PTPRT: variants seen among roughly 807,000 people sequenced by gnomAD.
PTPRT encodes the protein receptor-type tyrosine-protein phosphatase T.
PTPRT carries 56 observed loss-of-function variants against 176.8 expected under a neutral mutation model. The observed-to-expected ratio is 0.32, with a 90% CI of 0.26 to 0.40. The LOEUF (loss-of-function observed/expected upper bound fraction) is 0.40. Ranked by LOEUF, PTPRT falls within the 10% of genes least tolerant of loss-of-function variation. The probability of loss-of-function intolerance (pLI) is 1.00; values close to 1 mark genes in which losing one functional copy is unlikely to be tolerated. For synonymous variants in PTPRT, 783 were observed against 739.0 expected (o/e 1.06, Z -0.96); for missense variants, 1,540 against 1,908.2 (o/e 0.81, Z 3.60).
At chr20:42,166,138 T>C (rs1367186480) in intron 16 of PTPRT, among the ~76,000 whole-genome samples, 1 of 152,224 alleles carries the variant, frequency 6.6e-6, no homozygotes, top group Non-Finnish European at 1.5e-5. Context: ...GGTAGGCTAA[T>C]GTATGGGACA....
chr20:42,337,236 G>A (rs890266181), intron 11 of PTPRT, among the ~76,000 whole-genome samples: 4 of 152,102 alleles, frequency 2.6e-5, no homozygotes, highest in African/African-American at 4.8e-5. Flanking sequence ...GCTGTAGTTC[G>A]ACCTCCAACT....
chr20:42,563,269 C>A (rs1367244741), intron 7 of PTPRT, among the ~76,000 whole-genome samples: 1 of 151,972 alleles, frequency 6.6e-6, no homozygotes, highest in African/African-American at 2.4e-5. Context: ...ATATAAAGGT[C>A]CAATAAGCAA....
At chr20:42,506,152 G>A (rs577958255) in intron 7 of PTPRT, among the ~76,000 whole-genome samples, 32 of 152,172 alleles carry the variant, frequency 2.1e-4, no homozygotes, top group African/African-American at 7.5e-4. Flanking sequence ...TTTGGTGTAT[G>A]TTTTATGTAC....
chr20:42,938,058 A>C (rs1380953585), intron 1 of PTPRT, among the ~76,000 whole-genome samples: 1 of 152,244 alleles, frequency 6.6e-6, no homozygotes, highest in Non-Finnish European at 1.5e-5. Flanking sequence ...CAAAGATCTT[A>C]TCAATGGATT....
intron 2 of PTPRT, among the ~76,000 whole-genome samples, chr20:42,810,204 G>T (rs528625976): frequency 6.6e-6 from 1 of 152,138 alleles, no homozygotes; most frequent in Non-Finnish European, 1.5e-5. Context: ...TGAGGCAGAA[G>T]AATCGCTTGA....
intron 7 of PTPRT, among the ~76,000 whole-genome samples, chr20:42,591,738 T>TA (rs1440412095): frequency 6.6e-6 from 1 of 152,174 alleles, no homozygotes; most frequent in African/African-American, 2.4e-5. Flanking sequence ...ACTGTTCCCC[T>TA]AACCTGAGGC....
rs777694770 is a variant in PTPRT, at chr20:42,278,073, CTATATATA to C, written c.2176+4408_2176+4415del. On this transcript the variant is annotated intron_variant, in intron 13 of 30. Transcript: ENST00000373187. ...GATAGACATTAAACATGTAAGTAGA[CTATATATA>C]TATATATATATATATATATATATAT... 3.7e-3 allele frequency among the ~76,000 whole-genome samples: 145 copies of C among 39,182 alleles called. 1 individual carries two copies. The highest frequency in any genetic ancestry group is 4.6e-3 in the Non-Finnish European group (87 of 18,772). The allele number at this position is 39,182 out of a possible 152,430, so 25.7% of individuals were successfully genotyped here.
chr20:42,476,109 G>T (rs567306996), intron 7 of PTPRT, among the ~76,000 whole-genome samples: 1 of 152,214 alleles, frequency 6.6e-6, no homozygotes. Context: ...TTGTTAATGA[G>T]CATAAAATGA....
chr20:42,943,462 A>G (rs1980692072), intron 1 of PTPRT, among the ~76,000 whole-genome samples: 1 of 152,184 alleles, frequency 6.6e-6, no homozygotes. Flanking sequence ...TGTCCACTGA[A>G]GACTAAGTTA....
chr20:42,327,650 T>C (rs1261010322), intron 11 of PTPRT, among the ~76,000 whole-genome samples: 1 of 152,054 alleles, frequency 6.6e-6, no homozygotes, highest in Admixed American at 6.6e-5. Flanking sequence ...GGCAAATCTA[T>C]GGGAAGGATA....
At chr20:42,862,601 G>C (rs747387340) in intron 2 of PTPRT, among the ~76,000 whole-genome samples, 8 of 152,184 alleles carry the variant, frequency 5.3e-5, no homozygotes, top group South Asian at 2.1e-4. Context: ...CCATATGCCA[G>C]AGAGTGGGAG....
At chr20:42,771,812 T>C (rs1332983236) in intron 4 of PTPRT, among the ~76,000 whole-genome samples, 3 of 152,184 alleles carry the variant, frequency 2.0e-5, no homozygotes, top group Non-Finnish European at 4.4e-5. Context: ...ATTAAGGCTC[T>C]GAGGGTTTAC....
intron 8 of PTPRT, among the ~76,000 whole-genome samples, chr20:42,467,787 G>A (rs2071125191): frequency 6.6e-6 from 1 of 152,206 alleles, no homozygotes; most frequent in South Asian, 2.1e-4. Flanking sequence ...GAATCTAGAT[G>A]AGAGGTTTAT....
At chr20:42,607,098 A>C (rs2073891128) in intron 7 of PTPRT, among the ~76,000 whole-genome samples, 1 of 152,232 alleles carries the variant, frequency 6.6e-6, no homozygotes, top group Non-Finnish European at 1.5e-5. Flanking sequence ...CAAAAAGAGA[A>C]ATATTATATA....
At position 42,567,858 on chromosome 20, in the gene PTPRT, TCTGA is replaced by T. The variant is rs1174123599; in HGVS notation, c.1154-95300_1154-95297del. 2.8e-4 allele frequency among the ~76,000 whole-genome samples: 42 copies of T among 152,200 alleles called. 1 individual carries two copies. Among genetic ancestry groups the T allele is most frequent in the Admixed American group, 2.4e-3 (37 of 15,278 alleles). ...GATACATGGCACTTGGTCTCATGAT[TCTGA>T]CTGTCTTAATTAGTATTGATGAGGC... On this transcript the variant is annotated intron_variant, in intron 7 of 30. Coordinates refer to ENST00000373187, the MANE Select transcript of PTPRT (RefSeq NM_007050.6).
At chr20:42,839,675 T>C (rs2078243674) in intron 2 of PTPRT, among the ~76,000 whole-genome samples, 1 of 152,096 alleles carries the variant, frequency 6.6e-6, no homozygotes, top group Admixed American at 6.5e-5. Flanking sequence ...TGGAGAAAAA[T>C]GACCAAGGAC....
At chr20:42,893,647 G>A (rs1435951705) in intron 1 of PTPRT, among the ~76,000 whole-genome samples, 2 of 151,942 alleles carry the variant, frequency 1.3e-5, no homozygotes, top group Admixed American at 6.5e-5. Context: ...TTAAGGAAAT[G>A]TGGCACATAT....
intron 1 of PTPRT, among the ~76,000 whole-genome samples, chr20:43,110,658 G>T (rs188919910): frequency 1.3e-5 from 2 of 152,128 alleles, no homozygotes; most frequent in Non-Finnish European, 1.5e-5. Context: ...TGTATATATG[G>T]TTTTTTCAGT....
intron 9 of PTPRT, among the ~76,000 whole-genome samples, chr20:42,445,549 A>G (rs2059354802): frequency 6.6e-6 from 1 of 152,162 alleles, no homozygotes; most frequent in Non-Finnish European, 1.5e-5. Flanking sequence ...TATGCTCACA[A>G]TACAATGGCC....
Sources: allele counts gnomAD v4.1 joint callset (sites outside exome capture counted in the v4.1 genomes callset), GRCh38; gene constraint gnomAD v4.1.1; transcripts MANE v1.5; gene names NCBI Gene and HGNC (gene_info 2026-07-23, HGNC 2026-07-21).